RBBP8: variants seen among roughly 807,000 people sequenced by gnomAD.
The protein encoded by RBBP8 is RB binding protein 8, endonuclease.
RBBP8 carries 88 observed loss-of-function variants against 108.3 expected under a neutral mutation model. That is an observed-to-expected ratio of 0.81 (90% CI 0.68 to 0.97). RBBP8 has a LOEUF of 0.97. Ranked by LOEUF, RBBP8 falls within the 50% of genes least tolerant of loss-of-function variation. The pLI, the probability that RBBP8 is intolerant of heterozygous loss-of-function variation, is 0.00. For missense variants in RBBP8, 1,023 were observed against 1,049.0 expected, an observed-to-expected ratio of 0.98 and a Z score of 0.34; for synonymous variants, 332 against 348.2, an observed-to-expected ratio of 0.95 and a Z score of 0.52.
intron 15 of RBBP8, 120 bp from the exon 16 acceptor site, chr18:23,006,243 C>A: frequency 2.4e-6 from 2 of 844,956 alleles, no homozygotes; most frequent in Non-Finnish European, 3.9e-6. Context: ...TGCTCAGAGG[C>A]CTGGAGCATG....
In RBBP8 at chr18:23,007,522, G is replaced by A. The variant is rs545600468; in HGVS notation, c.2357+1090G>A. Among the ~76,000 whole-genome samples, 9 of 151,232 alleles carry A rather than the reference G, an allele frequency of 6.0e-5. No homozygotes were observed. The East Asian group carries it at 1.4e-3, about 24-fold the overall frequency. The stretch of plus-strand genomic sequence containing the variant: ...AATTGAGACCATCCTGGATAACATG[G>A]TGAAACCCCGTCTCTACTAAAAATA... On this transcript the variant is annotated intron_variant, in intron 16 of 18. Coordinates refer to ENST00000327155, the MANE Select transcript of RBBP8 (RefSeq NM_002894.3).
Position 22,992,932 on chromosome 18 carries a change from A to G in RBBP8, c.1105A>G (p.Ile369Val). ...LKTLPFSNTC[I>V]SRLEKTRSKS... ...AACACTCCCTTTTAGCAACACTTGTATATCTAGATTAGAAAAAACTAGATC... is the reference window on the plus strand; with the variant it reads ...AACACTCCCTTTTAGCAACACTTGTGTATCTAGATTAGAAAAAACTAGATC... The change falls in exon 11 of 19, where the codon ATA becomes GTA. Residue 369 changes from isoleucine (I) to valine (V), a missense_variant. Ile to Val is a conservative substitution (Grantham distance 29). Coordinates refer to ENST00000327155, the MANE Select transcript of RBBP8 (RefSeq NM_002894.3). The G allele has an allele frequency of 6.2e-7, 1 of 1,613,796 alleles. No homozygotes were observed. The highest frequency in any genetic ancestry group is 8.5e-7 in the Non-Finnish European group (1 of 1,179,704).
chr18:22,966,568 A>C (rs1174057614), intron 4 of RBBP8, among the ~76,000 whole-genome samples: 1 of 79,690 alleles, frequency 1.3e-5, no homozygotes, highest in African/African-American at 4.7e-5. Flanking sequence ...GTGAGACCCC[A>C]TCTCATTAAA....
At chr18:22,975,675 T>C (rs1177814117) in intron 6 of RBBP8, among the ~76,000 whole-genome samples, 1 of 152,022 alleles carries the variant, frequency 6.6e-6, no homozygotes, top group African/African-American at 2.4e-5. Context: ...TTTTATCTTG[T>C]GTGCCACTTC....
At chr18:22,955,756 A>G (rs561300194) in intron 4 of RBBP8, among the ~76,000 whole-genome samples, 2 of 150,374 alleles carry the variant, frequency 1.3e-5, no homozygotes, top group African/African-American at 2.4e-5. Context: ...TTTTTTTTGT[A>G]TTTTTAGTAG....
upstream of RBBP8, among the ~76,000 whole-genome samples, chr18:22,930,242 C>G (rs1166244711): frequency 6.6e-6 from 1 of 152,188 alleles, no homozygotes; most frequent in East Asian, 1.9e-4. Context: ...CCAGGGGCCT[C>G]CAATAGGTGT....
intron 12 of RBBP8, among the ~76,000 whole-genome samples, chr18:22,994,479 A>T (rs1402358699): frequency 6.7e-6 from 1 of 148,678 alleles, no homozygotes; most frequent in East Asian, 2.1e-4. Context: ...CATCTCTACT[A>T]AAAACACAAA....
chr18:22,977,174 A>G (rs1470169705), intron 6 of RBBP8, among the ~76,000 whole-genome samples: 1 of 151,290 alleles, frequency 6.6e-6, no homozygotes, highest in Non-Finnish European at 1.5e-5. Context: ...CTTGGTCGCA[A>G]AGAAATTGCA....
intron 2 of RBBP8, among the ~76,000 whole-genome samples, chr18:22,939,122 C>T (rs2144411318): frequency 6.6e-6 from 1 of 152,222 alleles, no homozygotes; most frequent in Middle Eastern, 3.4e-3. Context: ...TTTAATATTG[C>T]AGTGCTTTAT....
chr18:22,947,368 C>A (rs1295516585), intron 3 of RBBP8, among the ~76,000 whole-genome samples: 2 of 151,900 alleles, frequency 1.3e-5, no homozygotes, highest in African/African-American at 2.4e-5. Context: ...TAGATCCCCC[C>A]ACCCCAGCCC....
intron 6 of RBBP8, among the ~76,000 whole-genome samples, chr18:22,981,271 C>T (rs1429173491): frequency 6.6e-6 from 1 of 152,022 alleles, no homozygotes; most frequent in Middle Eastern, 3.2e-3. Flanking sequence ...CGCCCGGCCC[C>T]AATTTATCTC....
intron 6 of RBBP8, among the ~76,000 whole-genome samples, chr18:22,979,022 C>T (rs1163707157): frequency 6.6e-6 from 1 of 152,174 alleles, no homozygotes; most frequent in African/African-American, 2.4e-5. Context: ...AGTCTCAGCA[C>T]TTTGGGAGGC....
chr18:23,005,143 AC>A (rs1048201324), intron 15 of RBBP8, among the ~76,000 whole-genome samples: 1 of 152,106 alleles, frequency 6.6e-6, no homozygotes, highest in African/African-American at 2.4e-5. Context: ...AACCTAGGCA[AC>A]AGAGCAAGAC....
chr18:22,959,928 G>A (rs1215233746), intron 4 of RBBP8, among the ~76,000 whole-genome samples: 2 of 123,594 alleles, frequency 1.6e-5, no homozygotes, highest in African/African-American at 3.1e-5. Context: ...GTCTCGCTCT[G>A]TCACACACGC....
chr18:22,999,295 T>C (rs1308896553), intron 14 of RBBP8, among the ~76,000 whole-genome samples: 1 of 152,216 alleles, frequency 6.6e-6, no homozygotes, highest in East Asian at 1.9e-4. Flanking sequence ...TGGTCAGTTC[T>C]GTTTCAGGGT....
At chr18:22,954,495 G>A (rs557483664) in intron 4 of RBBP8, among the ~76,000 whole-genome samples, 39 of 152,308 alleles carry the variant, frequency 2.6e-4, no homozygotes, top group African/African-American at 8.4e-4. Context: ...CAAGAGGTGG[G>A]TTCCCACAGT....
At chr18:22,914,867 T>C (rs897938284) in intron 1 of RBBP8, among the ~76,000 whole-genome samples, 2 of 152,182 alleles carry the variant, frequency 1.3e-5, no homozygotes, top group African/African-American at 4.8e-5. Context: ...CTGAGCTGAA[T>C]AGAAAGGAAT....
intron 12 of RBBP8, 99 bp downstream of exon 12, chr18:22,993,946 C>T: frequency 1.7e-6 from 2 of 1,210,474 alleles, no homozygotes; most frequent in Admixed American, 2.1e-5. Flanking sequence ...TGGAAAAAAA[C>T]TTATTTCTTC....
Position 22,979,082 on chromosome 18 carries a change from C to G in RBBP8, c.429-3136C>G, listed in dbSNP as rs117633915. On this transcript the variant is annotated intron_variant, in intron 6 of 18. Coordinates refer to ENST00000327155, the MANE Select transcript of RBBP8 (RefSeq NM_002894.3). Reference sequence around the variant, plus strand: ...GAGGAGTTTGAGACAGCCTGGGCAACATGGTAAAACCCTGTCTCCATTAAA... The same window carrying G: ...GAGGAGTTTGAGACAGCCTGGGCAAGATGGTAAAACCCTGTCTCCATTAAA... Among the ~76,000 whole-genome samples, 1,222 of 152,206 alleles carry G rather than the reference C, an allele frequency of 8.0e-3. 32 individuals are homozygous for G. Among genetic ancestry groups the G allele is most frequent in the East Asian group, 0.059 (304 of 5,170 alleles).
Sources: gnomAD v4.1 joint callset for allele counts (sites outside exome capture counted in the v4.1 genomes callset) on GRCh38, gnomAD v4.1.1 for gene constraint, MANE v1.5 for transcripts, NCBI Gene and HGNC (gene_info 2026-07-23, HGNC 2026-07-21) for gene names.